MICALL1: variants seen among roughly 807,000 people sequenced by gnomAD.
MICALL1 encodes MICAL like 1, also known as MICAL-like protein 1.
Under a neutral mutation model 83.7 loss-of-function variants are expected in MICALL1, and 61 were observed. The ratio of observed to expected loss-of-function variants is 0.73; its 90% CI spans 0.59 to 0.90. The LOEUF (loss-of-function observed/expected upper bound fraction) is 0.90. Among genes scored for constraint, MICALL1 ranks in the 40% least tolerant of loss-of-function variants. The pLI is 0.00. For missense variants in MICALL1, 1,066 were observed against 1,152.0 expected (o/e 0.93, Z 1.08); for synonymous variants, 481 against 473.6 (o/e 1.02, Z -0.20).
intron 5 of MICALL1, among the ~76,000 whole-genome samples, chr22:37,919,711 G>T (rs1361144114): frequency 6.6e-6 from 1 of 150,758 alleles, no homozygotes; most frequent in African/African-American, 2.4e-5. Context: ...TTTTTGGCCG[G>T]GTATGGTGGC....
chr22:37,936,591 C>T (rs1930132787), intron 13 of MICALL1, among the ~76,000 whole-genome samples: 1 of 152,130 alleles, frequency 6.6e-6, no homozygotes, highest in Non-Finnish European at 1.5e-5. Context: ...CTTTCTTTTC[C>T]CTAAGAACTT....
chr22:37,913,011 A>G (rs1928438361), intron 3 of MICALL1, among the ~76,000 whole-genome samples: 1 of 144,040 alleles, frequency 6.9e-6, no homozygotes, highest in African/African-American at 2.6e-5. Flanking sequence ...TGCACAGGCT[A>G]GAGTGCAATG....
chr22:37,908,995 C>A (rs888964042), intron 1 of MICALL1, among the ~76,000 whole-genome samples: 6 of 152,116 alleles, frequency 3.9e-5, no homozygotes, highest in African/African-American at 1.2e-4. Flanking sequence ...TGGCTGACAG[C>A]TGCTTTTGCT....
intron 5 of MICALL1, among the ~76,000 whole-genome samples, chr22:37,920,808 C>T (rs1184306579): frequency 6.6e-6 from 1 of 152,042 alleles, no homozygotes; most frequent in South Asian, 2.1e-4. Context: ...CGCCTGTAGT[C>T]CCAGCTACTC....
At chr22:37,910,645 G>A (rs1928259023) in intron 1 of MICALL1, among the ~76,000 whole-genome samples, 3 of 152,164 alleles carry the variant, frequency 2.0e-5, no homozygotes. Flanking sequence ...CGTCCACCCA[G>A]CCCTGGGGCA....
rs938215403 is a variant in MICALL1, at chr22:37,924,861, C to T, written c.1082+144C>T. ...GGGAAGGAGAGCTGGGCCCACACCC[C>T]TTCTCCTGAGGCTCACCCCGGGATT... On this transcript the variant is annotated intron_variant, in intron 7 of 15. Transcript: ENST00000215957. This position sits in a 1 kb window ranked among gnomAD's most constrained non-coding sequence, Gnocchi z 5.2. The T allele has an allele frequency of 1.3e-6, 1 of 742,440 alleles. No individual in the cohort carries two copies. The highest frequency in any genetic ancestry group is 1.9e-5 in the South Asian group (1 of 52,862). The allele number at this position is 742,440 out of a possible 1,614,324, so 46.0% of individuals were successfully genotyped here.
Position 37,940,973 on chromosome 22 carries a change from C to A in MICALL1, c.*143C>A. The A allele has an allele frequency of 9.7e-7, 1 of 1,031,166 alleles. No homozygotes were observed. The highest frequency in any genetic ancestry group is 1.4e-6 in the Non-Finnish European group (1 of 718,864). 63.9% of individuals were successfully genotyped at this position (1,031,166 alleles called of 1,614,324 possible). A position where few individuals can be genotyped will look rare whatever the true frequency, so the allele number is the denominator to read the frequency against. ...GGGATCCTCTGGGTGATGGCCTCTT[C>A]CTCCTCAGGGACCTCTGACTGCTCT... On this transcript the variant is annotated 3_prime_UTR_variant, in exon 16 of 16. Coordinates refer to ENST00000215957, the MANE Select transcript of MICALL1 (RefSeq NM_033386.4).
Position 37,921,996 on chromosome 22 carries a change from G to A in MICALL1, c.594G>A (p.Leu198=). ...CFRCRRCSST[L]LPGAYENGPE... is the part of the protein sequence containing the mutation. Reference sequence around the variant, plus strand: ...GGTGTCGGCGGTGCTCCAGCACCCTGCTCCCTGGGGCTTATGAGAATGGGC... The same window carrying A: ...GGTGTCGGCGGTGCTCCAGCACCCTACTCCCTGGGGCTTATGAGAATGGGC... The change falls in exon 6 of 16, where the codon CTG becomes CTA. Residue 198 remains leucine, a synonymous_variant. Transcript: ENST00000215957. The A allele has an allele frequency of 6.3e-7, 1 of 1,591,150 alleles. No homozygotes were observed. The highest frequency in any genetic ancestry group is 1.1e-5 in the South Asian group (1 of 88,698).
At position 37,912,495 on chromosome 22, in the gene MICALL1, G is replaced by T. The variant is rs200590872; in HGVS notation, c.337+3G>T. On this transcript the variant is annotated splice_donor_region_variant and intron_variant, in intron 3 of 15. Coordinates refer to ENST00000215957, the MANE Select transcript of MICALL1 (RefSeq NM_033386.4). ...CCACTTCTGCAGTCCTGGCCAAGGTGAGAGGGGGACTCAGCGTTTCACGGA... is the reference window on the plus strand; with the variant it reads ...CCACTTCTGCAGTCCTGGCCAAGGTTAGAGGGGGACTCAGCGTTTCACGGA... 45 of 1,600,490 alleles carry T rather than the reference G, an allele frequency of 2.8e-5. No homozygotes were observed. In the East Asian group the frequency reaches 9.7e-4, roughly 34 times the overall value.
chr22:37,935,074 A>G (rs1219053354), intron 13 of MICALL1, among the ~76,000 whole-genome samples: 2 of 149,202 alleles, frequency 1.3e-5, no homozygotes, highest in Admixed American at 1.3e-4. Context: ...CTGGGACTAC[A>G]GGCACCTGCC....
At chr22:37,912,111 C>T (rs542288300) in intron 2 of MICALL1, 111 bp downstream of exon 2, 17 of 1,321,824 alleles carry the variant, frequency 1.3e-5, no homozygotes, top group South Asian at 6.0e-5. Flanking sequence ...CCTTGTACAC[C>T]GGCCCTGGCT....
rs747113274 is a variant in MICALL1, at chr22:37,927,640, A to G, written c.1695A>G (p.Glu565=). 3.1e-6 allele frequency: 5 copies of G among 1,614,122 alleles called. No individual in the cohort carries two copies. The East Asian group carries it at 8.9e-5, about 29-fold the overall frequency. The change falls in exon 9 of 16, where the codon GAA becomes GAG. Residue 565 remains glutamate, a synonymous_variant. Transcript: ENST00000215957. Reference sequence around the variant, plus strand: ...ACTCCTCCCTGGCCTCCTCTGGGGAACTAGTGGAGCCTAGAGTGGAACAAA... The same window carrying G: ...ACTCCTCCCTGGCCTCCTCTGGGGAGCTAGTGGAGCCTAGAGTGGAACAAA... The part of the protein sequence containing the change: ...STNSSLASSG[E]LVEPRVEQMP...
intron 1 of MICALL1, 116 bp from the exon 2 acceptor site, chr22:37,911,836 G>A: frequency 1.0e-6 from 1 of 1,001,172 alleles, no homozygotes; most frequent in Admixed American, 1.7e-5. Context: ...CCCTGCTGAG[G>A]TTGATGCTGG....
chr22:37,934,403 C>A (rs935737423), intron 13 of MICALL1, among the ~76,000 whole-genome samples: 36 of 152,034 alleles, frequency 2.4e-4, no homozygotes, highest in African/African-American at 8.4e-4. Context: ...TACCCAGGCC[C>A]CAGATATGGA....
rs781412091 is a variant in MICALL1, at chr22:37,927,808, C to T, written c.1863C>T (p.Ser621=). The T allele has an allele frequency of 2.5e-6, 4 of 1,608,668 alleles. No homozygotes were observed. The highest frequency in any genetic ancestry group is 3.3e-5 in the Admixed American group (2 of 59,816). The change falls in exon 9 of 16, where the codon TCC becomes TCT. Residue 621 remains serine, a synonymous_variant. Coordinates refer to ENST00000215957, the MANE Select transcript of MICALL1 (RefSeq NM_033386.4). Reference sequence around the variant, plus strand: ...CGGTGCCTTCCCCTGGAAGCTCGTCCCCACAGCTGCAGGTAAAGGTGAGTG... The same window carrying T: ...CGGTGCCTTCCCCTGGAAGCTCGTCTCCACAGCTGCAGGTAAAGGTGAGTG... The part of the protein sequence containing the change: ...RSPVPSPGSS[S]PQLQVKSSCK...
rs903200651 is a variant in MICALL1, at chr22:37,906,494, C to A, written c.72C>A (p.Ile24=). 13 of 1,257,834 alleles carry A rather than the reference C, an allele frequency of 1.0e-5. No homozygotes were observed. The Admixed American group carries it at 1.4e-4, about 13-fold the overall frequency. The allele number at this position is 1,257,834 out of a possible 1,614,324, so 77.9% of individuals were successfully genotyped here. ...GCGAGGGCTACCGCGGCGTGGAGAT[C>A]CGCGACCTGAGCAGCTCCTTCCGGG... The part of the protein sequence containing the change: ...RQCEGYRGVE[I]RDLSSSFRDG... The change falls in exon 1 of 16, where the codon ATC becomes ATA. Residue 24 remains isoleucine, a synonymous_variant. Coordinates refer to ENST00000215957, the MANE Select transcript of MICALL1 (RefSeq NM_033386.4). The surrounding 1 kb of genome is among the most constrained non-coding windows in gnomAD (Gnocchi z 4.4).
At chr22:37,907,659 G>A (rs1013882635) in intron 1 of MICALL1, among the ~76,000 whole-genome samples, 4 of 152,214 alleles carry the variant, frequency 2.6e-5, no homozygotes, top group Non-Finnish European at 5.9e-5. Context: ...CAGCATGTGG[G>A]AAGGCTTCTA....
Position 37,906,663 on chromosome 22 carries a change from G to A in MICALL1, c.146+95G>A. The A allele has an allele frequency of 9.2e-7, 1 of 1,083,572 alleles. No homozygotes were observed. The highest frequency in any genetic ancestry group is 1.1e-6 in the Non-Finnish European group (1 of 883,362). 67.1% of individuals were successfully genotyped at this position (1,083,572 alleles called of 1,614,324 possible). On this transcript the variant is annotated intron_variant, in intron 1 of 15. Coordinates refer to ENST00000215957, the MANE Select transcript of MICALL1 (RefSeq NM_033386.4). This position sits in a 1 kb window ranked among gnomAD's most constrained non-coding sequence, Gnocchi z 4.4. ...GTAACACGAAGCCCGGGCGGTGACAGGCGCCGCCCCCGGACACGGAGACGC... is the reference window on the plus strand; with the variant it reads ...GTAACACGAAGCCCGGGCGGTGACAAGCGCCGCCCCCGGACACGGAGACGC...
At chr22:37,914,880 G>T (rs1928578922) in intron 3 of MICALL1, among the ~76,000 whole-genome samples, 1 of 150,742 alleles carries the variant, frequency 6.6e-6, no homozygotes, top group Non-Finnish European at 1.5e-5. Flanking sequence ...AAGCTCAAGG[G>T]ATCTACCCTT....
Sources: gnomAD v4.1 joint callset for allele counts (sites outside exome capture counted in the v4.1 genomes callset) on GRCh38, gnomAD v4.1.1 for gene constraint, Gnocchi (gnomAD v3.1) non-coding constraint, MANE v1.5 for transcripts, NCBI Gene and HGNC (gene_info 2026-07-23, HGNC 2026-07-21) for gene names.